Variants in ALK observed in about 807,000 individuals in gnomAD.
The protein encoded by ALK is ALK receptor tyrosine kinase.
Under a neutral mutation model 163.1 loss-of-function variants are expected in ALK, and 74 were observed. That is an observed-to-expected ratio of 0.45 (90% CI 0.38 to 0.55). ALK has a LOEUF of 0.55. ALK is among the 20% of genes least tolerant of loss of function. The probability of loss-of-function intolerance (pLI) is 0.00; values close to 1 mark genes in which losing one functional copy is unlikely to be tolerated. For missense variants in ALK, 2,063 were observed against 2,105.3 expected (o/e 0.98, Z 0.39); for synonymous variants, 960 against 843.2 (o/e 1.14, Z -2.40).
At chr2:29,829,732 A>G (rs1366094355) in intron 1 of ALK, among the ~76,000 whole-genome samples, 2 of 152,176 alleles carry the variant, frequency 1.3e-5, no homozygotes, top group Non-Finnish European at 2.9e-5. Context: ...TGTTAGAAAA[A>G]TCCAAAATCA....
At chr2:29,217,419 T>C (rs752215660) in intron 23 of ALK, among the ~76,000 whole-genome samples, 3 of 151,746 alleles carry the variant, frequency 2.0e-5, no homozygotes, top group African/African-American at 4.8e-5. Context: ...GCTGTGGACA[T>C]TGGCAAACCC....
chr2:29,470,685 A>T (rs1671326965), intron 4 of ALK, among the ~76,000 whole-genome samples: 2 of 148,808 alleles, frequency 1.3e-5, no homozygotes, highest in African/African-American at 4.9e-5. Flanking sequence ...AAACAGCTGA[A>T]TTTTTTTTTT....
At chr2:29,537,642 C>T (rs981628558) in intron 3 of ALK, among the ~76,000 whole-genome samples, 2 of 152,232 alleles carry the variant, frequency 1.3e-5, no homozygotes, top group East Asian at 3.9e-4. Context: ...TGGGGCACTT[C>T]CTAGTGGAGC....
At chr2:29,474,537 A>T (rs55936709) in intron 4 of ALK, among the ~76,000 whole-genome samples, 10,716 of 152,312 alleles carry the variant, frequency 0.07, 530 homozygotes, top group Non-Finnish European at 0.11. Flanking sequence ...GGTGACAAGG[A>T]TGACTTCCTA....
Position 29,193,826 on chromosome 2 carries a change from C to T in ALK, c.4261G>A (p.Val1421Ile), listed in dbSNP as rs774358799. ...VPVRPKDPEG[V>I]PPLLVSQQAK... ...TGTTGAGAGACCAGGAGAGGAGGAACCCCCTCAGGGTCCTTGGGCCTCACA... is the reference window on the plus strand; with the variant it reads ...TGTTGAGAGACCAGGAGAGGAGGAATCCCCTCAGGGTCCTTGGGCCTCACA... The change falls in exon 29 of 29, where the codon GTT becomes ATT. Residue 1421 changes from valine (V) to isoleucine (I), a missense_variant. Around this residue, in one of 5 missense-constraint regions of ALK, gnomAD observed 403 missense variants for 366.2 expected, o/e 1.10. Coordinates refer to ENST00000389048, the MANE Select transcript of ALK (RefSeq NM_004304.5). 6 of 1,607,612 alleles carry T rather than the reference C, an allele frequency of 3.7e-6. No individual in the cohort carries two copies. The highest frequency in any genetic ancestry group is 1.7e-5 in the Admixed American group (1 of 58,934).
chr2:29,206,776 GGTGTGTGTGT>G (rs3028218), intron 26 of ALK, among the ~76,000 whole-genome samples: 7 of 150,384 alleles, frequency 4.7e-5, no homozygotes, highest in Non-Finnish European at 5.9e-5. Context: ...TCCCTTTATT[GGTGTGTGTGT>G]GTGTGTGTGT....
At chr2:29,858,281 T>C (rs959426941) in intron 1 of ALK, among the ~76,000 whole-genome samples, 7 of 152,140 alleles carry the variant, frequency 4.6e-5, no homozygotes, top group African/African-American at 1.7e-4. Context: ...ATTTTAATAA[T>C]GTTACATAAA....
chr2:29,594,590 G>A (rs945851304), intron 3 of ALK, among the ~76,000 whole-genome samples: 1 of 151,790 alleles, frequency 6.6e-6, no homozygotes, highest in African/African-American at 2.4e-5. Flanking sequence ...TACCATGCTT[G>A]GCTAATTTTT....
intron 5 of ALK, among the ~76,000 whole-genome samples, chr2:29,357,279 C>A (rs10189706): frequency 0.011 from 1,693 of 152,278 alleles, 39 homozygotes; most frequent in African/African-American, 0.039. Context: ...CTAGTTAGTT[C>A]TTTGCCCTCA....
chr2:29,920,574 G>A lies in ALK; in HGVS notation c.86C>T (p.Ala29Val), dbSNP rs1667969126. The A allele has an allele frequency of 6.3e-7, 1 of 1,587,574 alleles. No homozygotes were observed. Among genetic ancestry groups the A allele is most frequent in the Non-Finnish European group, 8.5e-7 (1 of 1,171,164 alleles). ...CGGCGGCCCCGCAGCTGGGGAGCCC[G>A]CGCGCTGGCCGGTCCCCATCCCGGA... The part of the protein sequence containing the change: ...VGSGMGTGQR[A>V]GSPAAGPPLQ... The change falls in exon 1 of 29, where the codon GCG (alanine) becomes GTG (valine). Residue 29 changes from alanine to valine, a missense_variant. Coordinates refer to ENST00000389048, the MANE Select transcript of ALK (RefSeq NM_004304.5).
At chr2:29,573,545 A>T (rs1674438557) in intron 3 of ALK, among the ~76,000 whole-genome samples, 1 of 152,264 alleles carries the variant, frequency 6.6e-6, no homozygotes, top group Non-Finnish European at 1.5e-5. Flanking sequence ...GGTGACATGT[A>T]AAAATTATAT....
At chr2:29,754,826 A>G (rs1017396403) in intron 1 of ALK, among the ~76,000 whole-genome samples, 1 of 152,172 alleles carries the variant, frequency 6.6e-6, no homozygotes, top group African/African-American at 2.4e-5. Flanking sequence ...TATTTCTCAG[A>G]AAAAAGTTCT....
chr2:29,818,207 A>G (rs953601593), intron 1 of ALK, among the ~76,000 whole-genome samples: 1 of 152,194 alleles, frequency 6.6e-6, no homozygotes, highest in African/African-American at 2.4e-5. Context: ...CCCGGATTAT[A>G]CAAACACCTG....
intron 9 of ALK, among the ~76,000 whole-genome samples, chr2:29,290,538 G>A (rs72790288): frequency 0.016 from 2,388 of 152,260 alleles, 19 homozygotes; most frequent in Non-Finnish European, 0.024. Context: ...GAGCAGATGT[G>A]GGGGGCACCC....
intron 5 of ALK, among the ~76,000 whole-genome samples, chr2:29,354,588 TAG>T (rs6146695): frequency 0.017 from 2,610 of 149,478 alleles, 83 homozygotes; most frequent in African/African-American, 0.058. Flanking sequence ...GTCCCAGTTT[TAG>T]AGAGAGAGAG....
rs751328130 is a variant in ALK, at chr2:29,296,995, C to T, written c.1710G>A (p.Glu570=). The part of the protein sequence containing the change: ...LRGNVSLVLV[E]NKTGKEQGRM... ...TGCCTTGCTCCTTCCCGGTTTTGTT[C>T]TCCACTAGCACCAAGGACACGTTTC... The change falls in exon 9 of 29, where the codon GAG becomes GAA. Residue 570 remains glutamate, a synonymous_variant. Transcript: ENST00000389048. 7 of 1,614,218 alleles carry T rather than the reference C, an allele frequency of 4.3e-6. No homozygotes were observed. The Middle Eastern group carries it at 9.9e-4, about 228-fold the overall frequency.
chr2:29,675,272 G>C (rs114554814), intron 3 of ALK, among the ~76,000 whole-genome samples: 2,139 of 151,664 alleles, frequency 0.014, 45 homozygotes, highest in African/African-American at 0.049. Flanking sequence ...ATTTTTTATG[G>C]ATCCATCCTA....
chr2:29,382,168 ATCT>A (rs1267976417), intron 5 of ALK, among the ~76,000 whole-genome samples: 2 of 152,324 alleles, frequency 1.3e-5, no homozygotes, highest in Middle Eastern at 3.4e-3. Flanking sequence ...AGGAAGACTC[ATCT>A]TCTCCCTCCT....
At chr2:29,398,132 A>C (rs747510061) in intron 4 of ALK, among the ~76,000 whole-genome samples, 16 of 152,180 alleles carry the variant, frequency 1.1e-4, no homozygotes, top group Non-Finnish European at 2.4e-4. Flanking sequence ...TGCAGGAGCC[A>C]GAAAGATGGG....
Sources: gnomAD v4.1 joint callset for allele counts (sites outside exome capture counted in the v4.1 genomes callset) on GRCh38, gnomAD v4.1.1 for gene constraint, gnomAD v4.1.1 regional missense constraint, MANE v1.5 for transcripts, NCBI Gene and HGNC (gene_info 2026-07-23, HGNC 2026-07-21) for gene names.